Variants in PDXDC1 observed in about 807,000 individuals in gnomAD.
PDXDC1 encodes pyridoxal dependent decarboxylase domain containing 1.
A neutral mutation model predicts 100.1 loss-of-function variants in PDXDC1; 42 were observed. That is an observed-to-expected ratio of 0.42 (90% CI 0.33 to 0.54). The LOEUF (loss-of-function observed/expected upper bound fraction) is 0.54. PDXDC1 is among the 20% of genes least tolerant of loss of function. PDXDC1 has a pLI of 0.10. For missense variants in PDXDC1, 636 were observed against 979.2 expected (o/e 0.65, Z 4.68); for synonymous variants, 260 against 371.7 (o/e 0.70, Z 3.46).
In PDXDC1 at chr16:15,036,368, A is replaced by G. The variant is rs973438863; in HGVS notation, c.*93A>G. ...TGAACTGTGCCACATACTAATATAA[A>G]TTACTGTTGTTTGTGCTTCACTGGG... is the stretch of plus-strand genomic sequence containing the variant. On this transcript the variant is annotated 3_prime_UTR_variant, in exon 23 of 23. Transcript: ENST00000396410. 3.3e-6 allele frequency: 4 copies of G among 1,219,028 alleles called. No individual in the cohort carries two copies. The highest frequency in any genetic ancestry group is 1.5e-5 in the African/African-American group (1 of 65,926). 75.5% of individuals were successfully genotyped at this position (1,219,028 alleles called of 1,614,324 possible).
chr16:15,122,043 A>C (rs1300246761), intron 16 of PDXDC1: 1 of 290,666 alleles, frequency 3.4e-6, no homozygotes, highest in Admixed American at 5.0e-5. Flanking sequence ...CAGGCGTTGT[A>C]ATCTGAGCTA....
chr16:15,033,356 A>G lies in PDXDC1; in HGVS notation c.1769A>G (p.Glu590Gly). The change falls in exon 19 of 23, where the codon GAG (glutamate) becomes GGG (glycine). Residue 590 changes from glutamate (E) to glycine (G), a missense_variant. Physicochemically the swap from Glu to Gly is moderately conservative, Grantham distance 98 (BLOSUM62 -2). Around this residue, in one of 4 missense-constraint regions of PDXDC1, gnomAD observed 452 missense variants for 402.9 expected, o/e 1.12. Transcript: ENST00000396410. ...SDNVDAAELV[E>G]TIAATAREIE... ...AACGTCGATGCTGCTGAGCTCGTGG[A>G]GACCATTGCGGCCACAGCCCGGGAG... 1.2e-6 allele frequency: 2 copies of G among 1,614,184 alleles called. No homozygotes were observed. Among genetic ancestry groups the G allele is most frequent in the East Asian group, 2.2e-5 (1 of 44,892 alleles).
At chr16:15,097,352 C>T (rs892964172) in intron 16 of PDXDC1, among the ~76,000 whole-genome samples, 3 of 151,010 alleles carry the variant, frequency 2.0e-5, no homozygotes, top group Non-Finnish European at 4.4e-5. Flanking sequence ...GGGCCAGACA[C>T]AGCGGCTCCT....
intron 16 of PDXDC1, among the ~76,000 whole-genome samples, chr16:15,119,492 C>T (rs1430775325): frequency 1.1e-4 from 17 of 149,662 alleles, no homozygotes; most frequent in Admixed American, 3.3e-4. Context: ...AATCTCGGCT[C>T]GCTGCAACCT....
Position 15,037,842 on chromosome 16 carries a change from G to T in PDXDC1, c.*1567G>T, listed in dbSNP as rs2043580220. ...AATTTTTTAGTAAACCAAAAAATAA[G>T]TCTCAACAAATGCCTTTGCCAAAAT... On this transcript the variant is annotated 3_prime_UTR_variant, in exon 23 of 23. Coordinates refer to ENST00000396410, the MANE Select transcript of PDXDC1 (RefSeq NM_015027.4). The T allele has an allele frequency of 2.0e-6, 1 of 491,526 alleles. No individual in the cohort carries two copies. 30.4% of individuals were successfully genotyped at this position (491,526 alleles called of 1,614,324 possible). A position where few individuals can be genotyped will look rare whatever the true frequency, so the allele number is the denominator to read the frequency against.
chr16:14,975,820 C>T (rs1165080702), intron 1 of PDXDC1, among the ~76,000 whole-genome samples: 4 of 152,302 alleles, frequency 2.6e-5, no homozygotes, highest in African/African-American at 7.2e-5. Context: ...CCACTCCGCC[C>T]CACGCAGGTG....
downstream of PDXDC1, among the ~76,000 whole-genome samples, chr16:15,041,903 A>G (rs1248941772): frequency 6.6e-6 from 1 of 152,158 alleles, no homozygotes; most frequent in Non-Finnish European, 1.5e-5. Flanking sequence ...CTCAGGCCCG[A>G]AGGAGCCTGG....
chr16:15,076,594 A>G, intron 16 of PDXDC1: 1 of 1,613,474 alleles, frequency 6.2e-7, no homozygotes, highest in South Asian at 1.1e-5. Flanking sequence ...CTGTCCCACC[A>G]CAAGTTTGAG....
At chr16:15,051,147 C>T (rs1026563079) in intron 16 of PDXDC1, among the ~76,000 whole-genome samples, 2 of 152,194 alleles carry the variant, frequency 1.3e-5, no homozygotes, top group South Asian at 4.1e-4. Context: ...GAAGGGAGGG[C>T]GCAAAGGCGA....
At chr16:15,079,890 C>A in intron 16 of PDXDC1, 1 of 1,288,086 alleles carries the variant, frequency 7.8e-7, no homozygotes, top group East Asian at 2.7e-5. Context: ...AGTCACCACG[C>A]CTGGCCAAGT....
intron 16 of PDXDC1, among the ~76,000 whole-genome samples, chr16:15,082,039 A>G (rs1457603385): frequency 2.0e-5 from 3 of 152,316 alleles, no homozygotes; most frequent in East Asian, 3.9e-4. Context: ...AGAATGACAT[A>G]TAAAATCACC....
At chr16:15,077,091 T>C (rs1241943588) in intron 16 of PDXDC1, among the ~76,000 whole-genome samples, 1 of 151,808 alleles carries the variant, frequency 6.6e-6, no homozygotes. Flanking sequence ...GAGATTCTCC[T>C]GCCTCAGCCT....
At chr16:15,122,269 G>A (rs1292576325) in intron 16 of PDXDC1, among the ~76,000 whole-genome samples, 6 of 150,184 alleles carry the variant, frequency 4.0e-5, no homozygotes, top group African/African-American at 1.2e-4. Context: ...AGAGTGCAGC[G>A]GGGCCATCTC....
At chr16:15,049,633 C>T (rs2044219472) in intron 16 of PDXDC1, among the ~76,000 whole-genome samples, 1 of 152,022 alleles carries the variant, frequency 6.6e-6, no homozygotes, top group Non-Finnish European at 1.5e-5. Context: ...GCCATGTTGG[C>T]CACACTGGTA....
At chr16:15,072,920 T>A in intron 16 of PDXDC1, 2 of 1,608,018 alleles carry the variant, frequency 1.2e-6, no homozygotes, top group Admixed American at 3.4e-5. Context: ...CAAAGTAAGC[T>A]AAGATAATGT....
intron 16 of PDXDC1, among the ~76,000 whole-genome samples, chr16:15,064,027 G>A (rs2044842448): frequency 6.6e-6 from 1 of 152,264 alleles, no homozygotes; most frequent in Non-Finnish European, 1.5e-5. Flanking sequence ...AGACTTCAGG[G>A]ACCAGACAAT....
chr16:15,005,874 G>A (rs1282242091), intron 5 of PDXDC1, among the ~76,000 whole-genome samples: 1 of 152,284 alleles, frequency 6.6e-6, no homozygotes, highest in Admixed American at 6.5e-5. Flanking sequence ...AATTAGTAGA[G>A]ACAGTTGTTT....
intron 16 of PDXDC1, among the ~76,000 whole-genome samples, chr16:15,092,155 G>A (rs1023832894): frequency 1.3e-5 from 2 of 152,200 alleles, no homozygotes; most frequent in South Asian, 2.1e-4. Flanking sequence ...CTCCAGCCTG[G>A]GTGACAGAGG....
chr16:15,059,958 CAGG>C (rs2044652296), intron 16 of PDXDC1: 1 of 185,124 alleles, frequency 5.4e-6, no homozygotes, highest in East Asian at 1.7e-4. Context: ...AGCAATGCCT[CAGG>C]AGTTTTCCAC....
Sources: gnomAD v4.1 joint callset for allele counts (sites outside exome capture counted in the v4.1 genomes callset) on GRCh38, gnomAD v4.1.1 for gene constraint, gnomAD v4.1.1 regional missense constraint, MANE v1.5 for transcripts, NCBI Gene and HGNC (gene_info 2026-07-23, HGNC 2026-07-21) for gene names.